The following UBQLN3 variants were observed in gnomAD, a reference collection of about 807,000 sequenced individuals.
UBQLN3 encodes the protein ubiquilin 3, also known as ubiquilin-3.
In UBQLN3, 1 loss-of-function variant was observed where a neutral mutation model predicts 2.9. The ratio of observed to expected loss-of-function variants is 0.35; its 90% CI spans 0.12 to 1.66. The LOEUF is 1.66. Ranked by LOEUF, UBQLN3 falls within the 40% of genes most tolerant of loss-of-function variation. The probability of loss-of-function intolerance (pLI) is 0.35; values close to 1 mark genes in which losing one functional copy is unlikely to be tolerated. For missense variants in UBQLN3, 924 were observed against 816.5 expected, an observed-to-expected ratio of 1.13 and a Z score of -1.61; for synonymous variants, 358 against 317.6, an observed-to-expected ratio of 1.13 and a Z score of -1.35.
At position 5,508,411 on chromosome 11, in the gene UBQLN3, G is replaced by A. The variant is rs996260519; in HGVS notation, c.1148C>T (p.Ser383Leu). The change falls in exon 2 of 2, where the codon TCG becomes TTG. Residue 383 changes from serine to leucine, a missense_variant. Transcript: ENST00000311659. The surrounding 1 kb of genome is among the most constrained non-coding windows in gnomAD (Gnocchi z 4.2). The part of the protein sequence containing the change: ...PPPSVNRVPP[S>L]SPSSQEPGSG... ...CCCAGGCTCCTGAGATGAGGGTGAC[G>A]ATGGGGGAACTCTGTTTACTGATGG... is the stretch of plus-strand genomic sequence containing the variant. The A allele has an allele frequency of 2.0e-5, 32 of 1,602,072 alleles. No homozygotes were observed. The highest frequency in any genetic ancestry group is 3.4e-5 in the South Asian group (3 of 88,880).
Position 5,507,566 on chromosome 11 carries a change from C to T in UBQLN3, c.*25G>A, listed in dbSNP as rs765787201. The T allele has an allele frequency of 2.0e-5, 31 of 1,558,604 alleles. No homozygotes were observed. Among genetic ancestry groups the T allele is most frequent in the South Asian group, 1.8e-4 (15 of 82,554 alleles). On this transcript the variant is annotated 3_prime_UTR_variant, in exon 2 of 2. Coordinates refer to ENST00000311659, the MANE Select transcript of UBQLN3 (RefSeq NM_017481.4). ...TATGGGAAAAAGGCACAGAGGAAAACGTATGGTTTGAATGAATAAGGCTCC... is the reference window on the plus strand; with the variant it reads ...TATGGGAAAAAGGCACAGAGGAAAATGTATGGTTTGAATGAATAAGGCTCC...
At position 5,508,415 on chromosome 11, in the gene UBQLN3, G is replaced by T; in HGVS notation, c.1144C>A (p.Pro382Thr). Residue 382 changes from proline (P) to threonine (T), a missense_variant, in exon 2 of 2, where the codon CCA (proline) becomes ACA (threonine). Coordinates refer to ENST00000311659, the MANE Select transcript of UBQLN3 (RefSeq NM_017481.4). The surrounding 1 kb of genome is among the most constrained non-coding windows in gnomAD (Gnocchi z 4.2). ...EPPPSVNRVP[P>T]SSPSSQEPGS... ...GGCTCCTGAGATGAGGGTGACGATG[G>T]GGGAACTCTGTTTACTGATGGTGGT... 1 of 1,602,850 alleles carries T rather than the reference G, an allele frequency of 6.2e-7. No individual in the cohort carries two copies. The highest frequency in any genetic ancestry group is 8.5e-7 in the Non-Finnish European group (1 of 1,174,624).
At position 5,508,040 on chromosome 11, in the gene UBQLN3, G is replaced by C; in HGVS notation, c.1519C>G (p.Leu507Val). 3.1e-6 allele frequency: 5 copies of C among 1,614,028 alleles called. No homozygotes were observed. Among genetic ancestry groups the C allele is most frequent in the Non-Finnish European group, 4.2e-6 (5 of 1,180,046 alleles). The change falls in exon 2 of 2, where the codon CTG (leucine) becomes GTG (valine). Residue 507 changes from leucine (L) to valine (V), a missense_variant. Transcript: ENST00000311659. This position sits in a 1 kb window ranked among gnomAD's most constrained non-coding sequence, Gnocchi z 4.2. ...LQDEIQPQLP[L>V]LMHLQAAMAN... ...ATGGCTGCCTGAAGGTGCATCAGCA[G>C]TGGCAGCTGTGGTTGTATCTCATCC...
intron 1 of UBQLN3, 36 bp from the exon 2 acceptor site, chr11:5,509,630 T>C: frequency 1.3e-6 from 2 of 1,528,652 alleles, no homozygotes; most frequent in South Asian, 1.3e-5. Context: ...AGATCATCCT[T>C]TCAGGCAATG....
chr11:5,507,595 G>T lies in UBQLN3; in HGVS notation c.1964C>A (p.Ser655Ter). 1 of 1,601,732 alleles carries T rather than the reference G, an allele frequency of 6.2e-7. No individual in the cohort carries two copies. Among genetic ancestry groups the T allele is most frequent in the South Asian group, 1.1e-5 (1 of 89,710 alleles). The stretch of plus-strand genomic sequence containing the variant: ...TGGTTTGAATGAATAAGGCTCCTAC[G>T]ACTGTCTCAGCTTCTCCACAGCAGC... ...VDAAVEKLRQ[S>*] Residue 655 changes from serine (S) to a stop codon, truncating the protein, a stop_gained, in exon 2 of 2, where the codon TCG becomes TAG. Coordinates refer to ENST00000311659, the MANE Select transcript of UBQLN3 (RefSeq NM_017481.4). LOFTEE classifies it high-confidence loss of function.
rs1306215418 is a variant in UBQLN3 at position 5,507,502 on chromosome 11, G to T, written c.*89C>A. On this transcript the variant is annotated 3_prime_UTR_variant, in exon 2 of 2. Transcript: ENST00000311659. Reference sequence around the variant, plus strand: ...CTTCATAGTAAATTTGGTTTATAATGCAGCTGTATTCAAAAATGGGAGAGC... The same window carrying T: ...CTTCATAGTAAATTTGGTTTATAATTCAGCTGTATTCAAAAATGGGAGAGC... The T allele has an allele frequency of 6.6e-7, 1 of 1,513,458 alleles. No homozygotes were observed. The highest frequency in any genetic ancestry group is 1.4e-5 in the African/African-American group (1 of 71,770). 93.8% of individuals were successfully genotyped at this position (1,513,458 alleles called of 1,614,324 possible).
chr11:5,509,301 A>G lies in UBQLN3; in HGVS notation c.258T>C (p.Thr86=). 1.2e-6 allele frequency: 2 copies of G among 1,614,204 alleles called. No individual in the cohort carries two copies. Among genetic ancestry groups the G allele is most frequent in the Non-Finnish European group, 1.7e-6 (2 of 1,180,030 alleles). ...LAQCGVRDGL[T]VHLVIKRQHR... ...GCTGCCTCTTGATGACCAGGTGGAC[A>G]GTGAGGCCATCTCGCACTCCACACT... The change falls in exon 2 of 2, where the codon ACT becomes ACC. Residue 86 remains threonine (T), a synonymous_variant. Coordinates refer to ENST00000311659, the MANE Select transcript of UBQLN3 (RefSeq NM_017481.4).
At position 5,509,233 on chromosome 11, in the gene UBQLN3, G is replaced by A. The variant is rs146563055; in HGVS notation, c.326C>T (p.Thr109Ile). 1.2e-6 allele frequency: 2 copies of A among 1,614,180 alleles called. No homozygotes were observed. Among genetic ancestry groups the A allele is most frequent in the Non-Finnish European group, 1.7e-6 (2 of 1,180,030 alleles). ...GNECPAASVPTQGPSPGSLPQ... is the reference protein window; with the variant it reads ...GNECPAASVPIQGPSPGSLPQ... ...GAGTGATCCAGGACTTGGGCCCTGG[G>A]TAGGGACAGAGGCAGCTGGGCACTC... The change falls in exon 2 of 2, where the codon ACC becomes ATC. Residue 109 changes from threonine (T) to isoleucine (I), a missense_variant. Thr to Ile is a moderately conservative substitution (Grantham distance 89). Transcript: ENST00000311659.
Position 5,508,334 on chromosome 11 carries a change from A to C in UBQLN3, c.1225T>G (p.Cys409Gly). Reference sequence around the variant, plus strand: ...GTGGGGTATCTCAGGAAAGCTGGGCAGGAGGACCTTCCCTTGATTGCTACT... The same window carrying C: ...GTGGGGTATCTCAGGAAAGCTGGGCCGGAGGACCTTCCCTTGATTGCTACT... ...ESVAIKGRSSCPAFLRYPTEN... is the reference protein window; with the variant it reads ...ESVAIKGRSSGPAFLRYPTEN... The change falls in exon 2 of 2, where the codon TGC (cysteine) becomes GGC (glycine). Residue 409 changes from cysteine (C) to glycine (G), a missense_variant. By Grantham distance (159) the Cys-to-Gly change is radical. Coordinates refer to ENST00000311659, the MANE Select transcript of UBQLN3 (RefSeq NM_017481.4). The surrounding 1 kb of genome is among the most constrained non-coding windows in gnomAD (Gnocchi z 4.2). 1.2e-6 allele frequency: 2 copies of C among 1,609,246 alleles called. No individual in the cohort carries two copies. Among genetic ancestry groups the C allele is most frequent in the Non-Finnish European group, 1.7e-6 (2 of 1,176,646 alleles).
At position 5,507,313 on chromosome 11, in the gene UBQLN3, T is replaced by G; in HGVS notation, c.*278A>C. On this transcript the variant is annotated 3_prime_UTR_variant, in exon 2 of 2. Coordinates refer to ENST00000311659, the MANE Select transcript of UBQLN3 (RefSeq NM_017481.4). ...CTCAGGCAAGAGTTCACATTGGAAA[T>G]TGGGTGTAATTGCATCTCAAGATAG... 1 of 339,058 alleles carries G rather than the reference T, an allele frequency of 2.9e-6. No individual in the cohort carries two copies. The highest frequency in any genetic ancestry group is 5.3e-6 in the Non-Finnish European group (1 of 189,026). The allele number at this position is 339,058 out of a possible 1,614,324, so 21.0% of individuals were successfully genotyped here.
At position 5,507,708 on chromosome 11, in the gene UBQLN3, C is replaced by A. The variant is rs1846399460; in HGVS notation, c.1851G>T (p.Gln617His). ...PQQLQPEAHF[Q>H]VQLEQLRSMG... is the part of the protein sequence containing the mutation. ...TGGACCGCAGTTGCTCCAGCTGCAC[C>A]TGAAAGTGAGCCTCAGGCTGCAGCT... is the stretch of plus-strand genomic sequence containing the variant. The change falls in exon 2 of 2, where the codon CAG becomes CAT. Residue 617 changes from glutamine (Q) to histidine (H), a missense_variant. By Grantham distance (24) the Gln-to-His change is conservative. Transcript: ENST00000311659. 6.2e-7 allele frequency: 1 copy of A among 1,613,966 alleles called. No homozygotes were observed. Among genetic ancestry groups the A allele is most frequent in the African/African-American group, 1.3e-5 (1 of 74,914 alleles).
In UBQLN3 at chr11:5,509,434, G is replaced by C. The variant is rs1323184759; in HGVS notation, c.125C>G (p.Thr42Ser). ...TATCTCTTCCTTCAGCTGCTGGATA[G>C]TGCATGTGTCTGTAACTGAGAAATC... ...KEDFSVTDTC[T>S]IQQLKEEISQ... Residue 42 changes from threonine (T) to serine (S), a missense_variant, in exon 2 of 2, where the codon ACT becomes AGT. Thr to Ser is a moderately conservative substitution (Grantham distance 58, BLOSUM62 1). Coordinates refer to ENST00000311659, the MANE Select transcript of UBQLN3 (RefSeq NM_017481.4). 1 of 1,614,082 alleles carries C rather than the reference G, an allele frequency of 6.2e-7. No individual in the cohort carries two copies. The highest frequency in any genetic ancestry group is 1.7e-5 in the Admixed American group (1 of 60,012).
rs774207379 is a variant in UBQLN3, at chr11:5,508,863, C to T, written c.696G>A (p.Glu232=). Residue 232 remains glutamate (E), a synonymous_variant, in exon 2 of 2, where the codon GAG becomes GAA. Transcript: ENST00000311659. This position sits in a 1 kb window ranked among gnomAD's most constrained non-coding sequence, Gnocchi z 4.2. ...EFLRNPAMMQ[E]MIRSQDRVLS... ...GCACCCGGTCCTGGCTACGTATCAT[C>T]TCCTGCATCATGGCAGGGTTACGTA... The T allele has an allele frequency of 6.8e-6, 11 of 1,614,224 alleles. No individual in the cohort carries two copies. The South Asian group carries it at 8.8e-5, about 13-fold the overall frequency.
Position 5,508,525 on chromosome 11 carries a change from T to C in UBQLN3, c.1034A>G (p.Tyr345Cys). The change falls in exon 2 of 2, where the codon TAT (tyrosine) becomes TGT (cysteine). Residue 345 changes from tyrosine (Y) to cysteine (C), a missense_variant. Physicochemically the swap from Tyr to Cys is radical, Grantham distance 194 (BLOSUM62 -2). Coordinates refer to ENST00000311659, the MANE Select transcript of UBQLN3 (RefSeq NM_017481.4). This position sits in a 1 kb window ranked among gnomAD's most constrained non-coding sequence, Gnocchi z 4.2. The part of the protein sequence containing the change: ...NFLGIIRLYD[Y>C]LQQLHENPQS... The stretch of plus-strand genomic sequence containing the variant: ...GGGGTTCTCGTGTAATTGCTGGAGA[T>C]AGTCATAGAGCCTTATAATACCCAG... 6.2e-7 allele frequency: 1 copy of C among 1,614,144 alleles called. No individual in the cohort carries two copies. The highest frequency in any genetic ancestry group is 8.5e-7 in the Non-Finnish European group (1 of 1,180,028).
At chr11:5,509,679 T>C (rs1377946590) in intron 1 of UBQLN3, 85 bp from the exon 2 acceptor site, 2 of 1,439,714 alleles carry the variant, frequency 1.4e-6, no homozygotes, top group Non-Finnish European at 1.8e-6. Flanking sequence ...GGGTCTTGAA[T>C]ATCAGGATAG....
chr11:5,508,342 CTTCCCT>C lies in UBQLN3; in HGVS notation c.1211_1216del (p.Lys404_Gly405del). The C allele has an allele frequency of 6.2e-7, 1 of 1,608,376 alleles. No individual in the cohort carries two copies. The highest frequency in any genetic ancestry group is 8.5e-7 in the Non-Finnish European group (1 of 1,176,184). On this transcript the variant is annotated inframe_deletion, in exon 2 of 2. Transcript: ENST00000311659. The surrounding 1 kb of genome is among the most constrained non-coding windows in gnomAD (Gnocchi z 4.2). Reference sequence around the variant, plus strand: ...TCTCAGGAAAGCTGGGCAGGAGGACCTTCCCTTGATTGCTACTGACTCCTCGGGGAG... The same window carrying C: ...TCTCAGGAAAGCTGGGCAGGAGGACCTGATTGCTACTGACTCCTCGGGGAG...
At position 5,508,823 on chromosome 11, in the gene UBQLN3, T is replaced by C. The variant is rs768732690; in HGVS notation, c.736A>G (p.Ser246Gly). ...SQDRVLSNLE[S>G]IPGGYNVLCT... ...AGCACATTGTAGCCACCAGGAATGC[T>C]CTCCAAGTTACTGAGCACCCGGTCC... is the stretch of plus-strand genomic sequence containing the variant. Residue 246 changes from serine to glycine, a missense_variant, in exon 2 of 2, where the codon AGC becomes GGC. Transcript: ENST00000311659. The surrounding 1 kb of genome is among the most constrained non-coding windows in gnomAD (Gnocchi z 4.2). 1.9e-6 allele frequency: 3 copies of C among 1,613,970 alleles called. No individual in the cohort carries two copies. The highest frequency in any genetic ancestry group is 1.3e-5 in the African/African-American group (1 of 75,026).
Position 5,508,249 on chromosome 11 carries a change from T to C in UBQLN3, c.1310A>G (p.His437Arg). The change falls in exon 2 of 2, where the codon CAT becomes CGT. Residue 437 changes from histidine (H) to arginine (R), a missense_variant. Physicochemically the swap from His to Arg is conservative, Grantham distance 29 (BLOSUM62 0). Transcript: ENST00000311659. The surrounding 1 kb of genome is among the most constrained non-coding windows in gnomAD (Gnocchi z 4.2). ...QDGAGKSSTG[H>R]STNLPDLVSG... ...GACAAGATCAGGCAAGTTTGTGCTATGTCCAGTAGAGCTTTTCCCTGCACC... is the reference window on the plus strand; with the variant it reads ...GACAAGATCAGGCAAGTTTGTGCTACGTCCAGTAGAGCTTTTCCCTGCACC... 5 of 1,614,128 alleles carry C rather than the reference T, an allele frequency of 3.1e-6. No homozygotes were observed. Among genetic ancestry groups the C allele is most frequent in the Non-Finnish European group, 4.2e-6 (5 of 1,180,002 alleles).
At position 5,507,689 on chromosome 11, in the gene UBQLN3, G is replaced by T. The variant is rs757051350; in HGVS notation, c.1870C>A (p.Arg624=). The T allele has an allele frequency of 3.7e-6, 6 of 1,614,068 alleles. No homozygotes were observed. The highest frequency in any genetic ancestry group is 2.2e-5 in the East Asian group (1 of 44,870). Residue 624 remains arginine, a synonymous_variant, in exon 2 of 2, where the codon CGG becomes AGG. Transcript: ENST00000311659. ...AHFQVQLEQL[R]SMGFLNREAN... is the part of the protein sequence containing the mutation. ...TCACGATTCAGAAAGCCCATGGACC[G>T]CAGTTGCTCCAGCTGCACCTGAAAG...
Sources: gnomAD v4.1 joint callset for allele counts on GRCh38, gnomAD v4.1.1 for gene constraint, Gnocchi (gnomAD v3.1) non-coding constraint, MANE v1.5 for transcripts, NCBI Gene and HGNC (gene_info 2026-07-23, HGNC 2026-07-21) for gene names.